EBF1: variants seen among roughly 807,000 people sequenced by gnomAD.
The protein encoded by EBF1 is EBF transcription factor 1, also known as transcription factor COE1.
In EBF1, 10 loss-of-function variants were observed where a neutral mutation model predicts 68.4. That is an observed-to-expected ratio of 0.15 (90% CI 0.09 to 0.25). EBF1 has a LOEUF of 0.25. EBF1 is among the 10% of genes least tolerant of loss of function. EBF1 has a pLI of 1.00. For missense variants in EBF1, 509 were observed against 794.4 expected, an observed-to-expected ratio of 0.64 and a Z score of 4.32; for synonymous variants, 298 against 299.8, an observed-to-expected ratio of 0.99 and a Z score of 0.06.
intron 6 of EBF1, among the ~76,000 whole-genome samples, chr5:158,958,677 C>T (rs1817603114): frequency 6.6e-6 from 1 of 152,102 alleles, no homozygotes; most frequent in African/African-American, 2.4e-5. Context: ...GGTATTATTG[C>T]TTTGCGAAGT....
chr5:158,731,100 C>T lies in EBF1; in HGVS notation c.1094G>A (p.Arg365Gln), dbSNP rs771206001. The change falls in exon 11 of 16, where the codon CGG (arginine) becomes CAG (glutamine). Residue 365 changes from arginine (R) to glutamine (Q), a missense_variant. Physicochemically the swap from Arg to Gln is conservative, Grantham distance 43. This residue lies in a region of EBF1 where 230 missense variants were observed against 467.7 expected (regional missense o/e 0.49). Coordinates refer to ENST00000313708, the MANE Select transcript of EBF1 (RefSeq NM_024007.5). ...GFQRLQKVIP[R>Q]HPGDPERLPK... ...CAAACGCTCAGGGTCACCAGGGTGC[C>T]GAGGAATGACCTTCTGTAACCTCTG... 3.1e-6 allele frequency: 5 copies of T among 1,613,986 alleles called. No individual in the cohort carries two copies. The highest frequency in any genetic ancestry group is 4.2e-6 in the Non-Finnish European group (5 of 1,179,924).
In EBF1 at chr5:158,973,408, T is replaced by C. The variant is rs370366948; in HGVS notation, c.554+99988A>G. Among the ~76,000 whole-genome samples the C allele has an allele frequency of 5.3e-5, 8 of 151,294 alleles. 1 individual carries two copies. Among genetic ancestry groups the C allele is most frequent in the African/African-American group, 2.0e-4 (8 of 40,816 alleles). ...CACCCCTTCACCTACATGACTTCCATTCTTCTTTCACCACTTTCTCAGAGG... is the reference window on the plus strand; with the variant it reads ...CACCCCTTCACCTACATGACTTCCACTCTTCTTTCACCACTTTCTCAGAGG... On this transcript the variant is annotated intron_variant, in intron 6 of 15. Coordinates refer to ENST00000313708, the MANE Select transcript of EBF1 (RefSeq NM_024007.5).
intron 10 of EBF1, among the ~76,000 whole-genome samples, chr5:158,734,577 A>G (rs1764784424): frequency 6.6e-6 from 1 of 152,178 alleles, no homozygotes; most frequent in Non-Finnish European, 1.5e-5. Context: ...AGGGACATAC[A>G]TCTACTCTGC....
At chr5:158,987,689 G>T (rs556029513) in intron 6 of EBF1, among the ~76,000 whole-genome samples, 2 of 152,222 alleles carry the variant, frequency 1.3e-5, no homozygotes, top group Non-Finnish European at 2.9e-5. Context: ...TGTGTCCGTG[G>T]GTGCCTAGAC....
intron 6 of EBF1, among the ~76,000 whole-genome samples, chr5:159,007,509 T>C (rs1763797152): frequency 6.6e-6 from 1 of 152,152 alleles, no homozygotes; most frequent in South Asian, 2.1e-4. Flanking sequence ...TAGCTTTGGG[T>C]CTAATCCACT....
chr5:158,856,957 CCTAT>C (rs1424779762), intron 6 of EBF1, among the ~76,000 whole-genome samples: 5 of 152,120 alleles, frequency 3.3e-5, no homozygotes, highest in East Asian at 3.9e-4. Context: ...TGGCAACATG[CCTAT>C]CTATTTTTTA....
intron 6 of EBF1, among the ~76,000 whole-genome samples, chr5:158,879,609 G>A (rs187621254): frequency 3.3e-4 from 50 of 152,206 alleles, no homozygotes; most frequent in African/African-American, 9.1e-4. Context: ...GAATAGTGCC[G>A]CAATAAACAT....
intron 6 of EBF1, among the ~76,000 whole-genome samples, chr5:158,890,423 G>C (rs958894115): frequency 6.6e-6 from 1 of 152,118 alleles, no homozygotes; most frequent in East Asian, 1.9e-4. Flanking sequence ...ATGCCTCTCA[G>C]AACCATGCAA....
chr5:158,777,921 C>T (rs1163506715), intron 9 of EBF1, among the ~76,000 whole-genome samples: 1 of 152,138 alleles, frequency 6.6e-6, no homozygotes, highest in African/African-American at 2.4e-5. Flanking sequence ...CTGAGCCTGT[C>T]AACATGTGGA....
chr5:158,997,783 C>T (rs995959710), intron 6 of EBF1, among the ~76,000 whole-genome samples: 2 of 152,186 alleles, frequency 1.3e-5, no homozygotes, highest in African/African-American at 4.8e-5. Flanking sequence ...AGACACAGGC[C>T]TTTGCTAGCT....
intron 6 of EBF1, among the ~76,000 whole-genome samples, chr5:158,907,134 T>G (rs1804819462): frequency 6.6e-6 from 1 of 152,202 alleles, no homozygotes; most frequent in Non-Finnish European, 1.5e-5. Context: ...GGCTAGATAC[T>G]GGGAGTATGA....
At chr5:158,980,585 C>A (rs935711108) in intron 6 of EBF1, among the ~76,000 whole-genome samples, 8 of 152,132 alleles carry the variant, frequency 5.3e-5, no homozygotes, top group Non-Finnish European at 7.4e-5. Context: ...CAAATATCAA[C>A]CCCCCGCAAG....
At chr5:158,756,944 C>T (rs1770240712) in intron 10 of EBF1, among the ~76,000 whole-genome samples, 1 of 147,130 alleles carries the variant, frequency 6.8e-6, no homozygotes, top group Non-Finnish European at 1.5e-5. Flanking sequence ...TGGAGCCTTT[C>T]TGTAAAATAA....
intron 10 of EBF1, among the ~76,000 whole-genome samples, chr5:158,750,200 G>A (rs1768499452): frequency 6.6e-6 from 1 of 152,112 alleles, no homozygotes; most frequent in Admixed American, 6.6e-5. Flanking sequence ...TTGTCATTAA[G>A]CACCTACCAT....
At chr5:158,779,374 C>A (rs1775949116) in intron 9 of EBF1, among the ~76,000 whole-genome samples, 1 of 152,062 alleles carries the variant, frequency 6.6e-6, no homozygotes, top group South Asian at 2.1e-4. Flanking sequence ...CCTTTGTAAT[C>A]ATAGAGAAAA....
intron 15 of EBF1, among the ~76,000 whole-genome samples, chr5:158,701,585 G>A (rs769163573): frequency 3.3e-5 from 5 of 152,240 alleles, no homozygotes; most frequent in Admixed American, 6.5e-5. Flanking sequence ...CCCTGGGTGC[G>A]TAAGTGAGGA....
chr5:158,807,738 C>A (rs1037076551), intron 8 of EBF1, among the ~76,000 whole-genome samples: 1 of 152,166 alleles, frequency 6.6e-6, no homozygotes, highest in Non-Finnish European at 1.5e-5. Context: ...CCAAAACACA[C>A]GGAAGTCCCC....
At chr5:158,921,167 G>T (rs1165558875) in intron 6 of EBF1, among the ~76,000 whole-genome samples, 1 of 152,194 alleles carries the variant, frequency 6.6e-6, no homozygotes, top group Non-Finnish European at 1.5e-5. Flanking sequence ...GAAAATAGAT[G>T]AATGATTACA....
chr5:158,712,297 C>T lies in EBF1; in HGVS notation c.1406G>A (p.Gly469Glu). The T allele has an allele frequency of 6.2e-7, 1 of 1,613,988 alleles. No homozygotes were observed. The highest frequency in any genetic ancestry group is 8.5e-7 in the Non-Finnish European group (1 of 1,179,992). The change falls in exon 14 of 16, where the codon GGG becomes GAG. Residue 469 changes from glycine to glutamate, a missense_variant. Around this residue, in one of 3 missense-constraint regions of EBF1, gnomAD observed 205 missense variants for 247.4 expected, o/e 0.83. Coordinates refer to ENST00000313708, the MANE Select transcript of EBF1 (RefSeq NM_024007.5). ...CTGGGGAGTGGTGCTCGGCACGTAC[C>T]CGTGTGGTGATACGCTGCTTGAGTT... ...TRNSSSVSPHGYVPSTTPQQT... is the reference protein window; with the variant it reads ...TRNSSSVSPHEYVPSTTPQQT...
Sources: gnomAD v4.1 joint callset for allele counts (sites outside exome capture counted in the v4.1 genomes callset) on GRCh38, gnomAD v4.1.1 for gene constraint, gnomAD v4.1.1 regional missense constraint, MANE v1.5 for transcripts, NCBI Gene and HGNC (gene_info 2026-07-23, HGNC 2026-07-21) for gene names.